Variants in ITGB3BP observed in about 807,000 individuals in gnomAD.
The protein encoded by ITGB3BP is centromere protein R.
ITGB3BP carries 27 observed loss-of-function variants against 29.1 expected under a neutral mutation model. That is an observed-to-expected ratio of 0.93 (90% CI 0.68 to 1.28). The LOEUF (loss-of-function observed/expected upper bound fraction) is 1.28, where lower values mean the gene tolerates loss of function less well. ITGB3BP is among the 50% of genes most tolerant of loss of function. ITGB3BP has a pLI of 0.00. For synonymous variants in ITGB3BP, 61 were observed against 61.4 expected, an observed-to-expected ratio of 0.99 and a Z score of 0.03; for missense variants, 192 against 200.2, an observed-to-expected ratio of 0.96 and a Z score of 0.25.
At chr1:63,502,962 T>C (rs140332355) in intron 2 of ITGB3BP, among the ~76,000 whole-genome samples, 3,265 of 152,260 alleles carry the variant, frequency 0.021, 126 homozygotes, top group African/African-American at 0.074. Context: ...TGAATAGTGC[T>C]GCAATAAACA....
chr1:63,526,828 G>C (rs1351742716), upstream of ITGB3BP, among the ~76,000 whole-genome samples: 1 of 151,808 alleles, frequency 6.6e-6, no homozygotes, highest in East Asian at 1.9e-4. Context: ...GCAGTGGCGC[G>C]ATCTTGATTC....
rs549476052 is a variant in ITGB3BP at position 63,461,161 on chromosome 1, G to A, written c.255-6193C>T. Among the ~76,000 whole-genome samples the A allele has an allele frequency of 6.5e-4, 97 of 150,078 alleles. No individual in the cohort carries two copies. In the Middle Eastern group the frequency reaches 0.01, roughly 16 times the overall value. Reference sequence around the variant, plus strand: ...CCCAGCTATTCAGCAGGCTGAGGCCGGAGAATGGCGTGAACCCGGGAGGCG... The same window carrying A: ...CCCAGCTATTCAGCAGGCTGAGGCCAGAGAATGGCGTGAACCCGGGAGGCG... On this transcript the variant is annotated intron_variant, in intron 4 of 8. Transcript: ENST00000271002.
intron 1 of ITGB3BP, among the ~76,000 whole-genome samples, chr1:63,522,316 AC>A (rs1220870512): frequency 6.6e-6 from 1 of 152,180 alleles, no homozygotes; most frequent in Non-Finnish European, 1.5e-5. Context: ...CAGCTGTGTT[AC>A]TTTGCATTTT....
chr1:63,446,877 T>A (rs1285116844), intron 7 of ITGB3BP, 21 bp from the exon 8 acceptor site: 5 of 1,577,802 alleles, frequency 3.2e-6, no homozygotes, highest in Non-Finnish European at 4.3e-6. Context: ...GAAGAAAGGT[T>A]TTTTTTTTCA....
chr1:63,491,914 T>C lies in ITGB3BP; in HGVS notation c.49-1696A>G, dbSNP rs188876933. ...TACCTCTCCATCTTGAGTTTTTACC[T>C]GTTTGTATGTATTCAGTCATAAACT... On this transcript the variant is annotated intron_variant, in intron 2 of 8. Transcript: ENST00000271002. 8.2e-3 allele frequency among the ~76,000 whole-genome samples: 588 copies of C among 71,992 alleles called. 3 individuals are homozygous for C. Among genetic ancestry groups the C allele is most frequent in the African/African-American group, 0.017 (538 of 32,586 alleles). 47.2% of individuals were successfully genotyped at this position (71,992 alleles called of 152,430 possible).
upstream of ITGB3BP, chr1:63,525,905 C>T: frequency 1.8e-6 from 1 of 571,418 alleles, no homozygotes; most frequent in South Asian, 2.7e-5. Context: ...GCTATTATGT[C>T]ATATCATATA....
At chr1:63,474,506 T>C (rs1645294058) in intron 4 of ITGB3BP, among the ~76,000 whole-genome samples, 1 of 151,012 alleles carries the variant, frequency 6.6e-6, no homozygotes, top group South Asian at 2.1e-4. Context: ...CGGGTCTGTG[T>C]GGATGGAAGT....
chr1:63,481,288 T>A (rs953002488), intron 3 of ITGB3BP, among the ~76,000 whole-genome samples: 1 of 152,154 alleles, frequency 6.6e-6, no homozygotes, highest in African/African-American at 2.4e-5. Context: ...GAAGGACTTA[T>A]GATTTTAAAT....
chr1:63,519,428 A>G, intron 1 of ITGB3BP, among the ~76,000 whole-genome samples: 1 of 152,094 alleles, frequency 6.6e-6, no homozygotes. Context: ...GAAGTCAAAA[A>G]ATTCTAAGTT....
rs1193344199 is a variant in ITGB3BP at position 63,454,021 on chromosome 1, A to G, written c.428-47T>C. 2 of 1,070,470 alleles carry G rather than the reference A, an allele frequency of 1.9e-6. No homozygotes were observed. The highest frequency in any genetic ancestry group is 1.6e-5 in the African/African-American group (1 of 63,384). 66.3% of individuals were successfully genotyped at this position (1,070,470 alleles called of 1,614,324 possible). On this transcript the variant is annotated intron_variant, in intron 6 of 8. Coordinates refer to ENST00000271002, the MANE Select transcript of ITGB3BP (RefSeq NM_014288.5). The surrounding 1 kb of genome is among the most constrained non-coding windows in gnomAD (Gnocchi z 4.1). ...TGTCAAGAATTAACATAGAATATGG[A>G]TAATTTCTCAATACTTGCAACAAAC...
intron 4 of ITGB3BP, among the ~76,000 whole-genome samples, chr1:63,468,266 T>C (rs2100566346): frequency 6.6e-6 from 1 of 152,334 alleles, no homozygotes; most frequent in Admixed American, 6.5e-5. Context: ...ACCAATCAAC[T>C]GTCCAGGGTA....
chr1:63,509,603 T>C (rs1342140414), intron 1 of ITGB3BP, among the ~76,000 whole-genome samples: 2 of 152,156 alleles, frequency 1.3e-5, no homozygotes, highest in African/African-American at 4.8e-5. Context: ...AAGAAAATCA[T>C]TGAACAGTAA....
chr1:63,508,251 T>G (rs1646123302), intron 2 of ITGB3BP, among the ~76,000 whole-genome samples: 1 of 152,164 alleles, frequency 6.6e-6, no homozygotes, highest in Admixed American at 6.5e-5. Flanking sequence ...TTTCCACAAA[T>G]AGTGAATTAA....
chr1:63,470,235 C>CTG (rs1017854471), intron 4 of ITGB3BP, among the ~76,000 whole-genome samples: 1 of 152,138 alleles, frequency 6.6e-6, no homozygotes, highest in African/African-American at 2.4e-5. Context: ...CTCTATATTT[C>CTG]TGTGTGTGTG....
chr1:63,445,888 C>G (rs1469614717), intron 8 of ITGB3BP, among the ~76,000 whole-genome samples: 1 of 151,980 alleles, frequency 6.6e-6, no homozygotes, highest in Non-Finnish European at 1.5e-5. Flanking sequence ...CCATGCCTAG[C>G]CCCTAATGCC....
upstream of ITGB3BP, chr1:63,523,282 C>T (rs1646506666): frequency 9.9e-7 from 1 of 1,008,940 alleles, no homozygotes. Context: ...GAAACATCCT[C>T]CCCGCGACGA....
rs56806443 is a variant in ITGB3BP, at chr1:63,472,056, C to CT, written c.254+6707dup. On this transcript the variant is annotated intron_variant, in intron 4 of 8. Coordinates refer to ENST00000271002, the MANE Select transcript of ITGB3BP (RefSeq NM_014288.5). Reference sequence around the variant, plus strand: ...GCCTCAGCCTCCCAAAGTGAATAACCTTTTTTTTTTTTTTTAAATCTGAAC... The same window carrying CT: ...GCCTCAGCCTCCCAAAGTGAATAACCTTTTTTTTTTTTTTTTAAATCTGAAC... Among the ~76,000 whole-genome samples the CT allele has an allele frequency of 4.7e-3, 712 of 150,022 alleles. 8 individuals are homozygous for CT. Among genetic ancestry groups the CT allele is most frequent in the African/African-American group, 0.016 (657 of 40,920 alleles).
chr1:63,513,979 C>A (rs1370774056), intron 1 of ITGB3BP, among the ~76,000 whole-genome samples: 5 of 152,192 alleles, frequency 3.3e-5, no homozygotes, highest in African/African-American at 9.7e-5. Context: ...CTGAAACTCA[C>A]ATCCATATCA....
chr1:63,480,429 C>T lies in ITGB3BP; in HGVS notation c.185-1596G>A, dbSNP rs191259897. Among the ~76,000 whole-genome samples, 6 of 152,202 alleles carry T rather than the reference C, an allele frequency of 3.9e-5. No individual in the cohort carries two copies. The East Asian group carries it at 1.2e-3, about 29-fold the overall frequency. On this transcript the variant is annotated intron_variant, in intron 3 of 8. Coordinates refer to ENST00000271002, the MANE Select transcript of ITGB3BP (RefSeq NM_014288.5). ...TATAATTAGCAAGTATTTGAGGACA[C>T]ATATTAGTAGAGTTAAGATTTTCAG...
Sources: allele counts gnomAD v4.1 joint callset (sites outside exome capture counted in the v4.1 genomes callset), GRCh38; gene constraint gnomAD v4.1.1; non-coding constraint Gnocchi (gnomAD v3.1); transcripts MANE v1.5; gene names NCBI Gene and HGNC (gene_info 2026-07-23, HGNC 2026-07-21).